PRR16: variants seen among roughly 807,000 people sequenced by gnomAD.
The protein encoded by PRR16 is protein Largen.
In PRR16, 6 loss-of-function variants were observed where a neutral mutation model predicts 18.2. The observed-to-expected ratio is 0.33, with a 90% confidence interval of 0.18 to 0.65. The LOEUF (loss-of-function observed/expected upper bound fraction) is 0.65, where lower values mean the gene tolerates loss of function less well. Among genes scored for constraint, PRR16 ranks in the 30% least tolerant of loss-of-function variants. The pLI, the probability that PRR16 is intolerant of heterozygous loss-of-function variation, is 0.74. For missense variants in PRR16, 412 were observed against 376.6 expected (o/e 1.09, Z -0.78); for synonymous variants, 151 against 147.8 (o/e 1.02, Z -0.16).
intron 1 of PRR16, among the ~76,000 whole-genome samples, chr5:120,477,573 C>T (rs1413572265): frequency 2.0e-5 from 3 of 152,200 alleles, no homozygotes; most frequent in Non-Finnish European, 4.4e-5. Context: ...CAATAGCCTC[C>T]TGACTATTCT....
intron 1 of PRR16, among the ~76,000 whole-genome samples, chr5:120,539,235 T>G (rs1751829316): frequency 6.6e-6 from 1 of 151,544 alleles, no homozygotes. Context: ...GTAAATATTA[T>G]TTTCTAATAA....
intron 1 of PRR16, among the ~76,000 whole-genome samples, chr5:120,679,170 G>C (rs17429749): frequency 0.11 from 16,198 of 152,028 alleles, 1,147 homozygotes; most frequent in Non-Finnish European, 0.14. Flanking sequence ...AACTCTCTTT[G>C]TTTCACTGTG....
intron 1 of PRR16, among the ~76,000 whole-genome samples, chr5:120,517,760 ACT>A (rs928168510): frequency 9.2e-5 from 14 of 152,114 alleles, no homozygotes; most frequent in African/African-American, 3.1e-4. Context: ...GTAATTCTTT[ACT>A]CTGTTTCTAA....
At chr5:120,576,104 T>G (rs1214976339) in intron 1 of PRR16, among the ~76,000 whole-genome samples, 1 of 152,128 alleles carries the variant, frequency 6.6e-6, no homozygotes, top group Non-Finnish European at 1.5e-5. Flanking sequence ...TCCATGACAT[T>G]GGTCTAGGCA....
intron 1 of PRR16, among the ~76,000 whole-genome samples, chr5:120,537,852 A>G (rs1181111273): frequency 5.6e-5 from 8 of 143,338 alleles, no homozygotes; most frequent in Non-Finnish European, 9.0e-5. Flanking sequence ...TCTCGGCTCA[A>G]TGCAAGCTCC....
intron 1 of PRR16, among the ~76,000 whole-genome samples, chr5:120,466,605 C>T (rs1749114068): frequency 6.6e-6 from 1 of 152,148 alleles, no homozygotes; most frequent in Non-Finnish European, 1.5e-5. Context: ...TCTTCAACCT[C>T]CCTGTGGTTA....
chr5:120,612,799 A>T (rs547580911), intron 1 of PRR16, among the ~76,000 whole-genome samples: 48 of 152,304 alleles, frequency 3.2e-4, no homozygotes, highest in African/African-American at 9.9e-4. Context: ...AATAAATGTA[A>T]TTCTTTTTAT....
chr5:120,544,292 T>C (rs1250609848), intron 1 of PRR16, among the ~76,000 whole-genome samples: 1 of 152,180 alleles, frequency 6.6e-6, no homozygotes, highest in African/African-American at 2.4e-5. Context: ...GCTATTTATG[T>C]GAACTCTCAC....
chr5:120,701,750 G>A, the PRR16 span, among the ~76,000 whole-genome samples: 3 of 152,146 alleles, frequency 2.0e-5, no homozygotes, highest in Non-Finnish European at 4.4e-5. Flanking sequence ...AGGAGGGAAA[G>A]AAGGAAGATT....
chr5:120,509,128 C>G (rs1258003598), intron 1 of PRR16, among the ~76,000 whole-genome samples: 1 of 152,014 alleles, frequency 6.6e-6, no homozygotes, highest in African/African-American at 2.4e-5. Context: ...AATTAGCTGG[C>G]AAAATGTAGT....
chr5:120,670,673 T>C (rs1282535280), intron 1 of PRR16, among the ~76,000 whole-genome samples: 1 of 152,112 alleles, frequency 6.6e-6, no homozygotes, highest in African/African-American at 2.4e-5. Context: ...ATCATAATGC[T>C]TGTATACCTT....
At chr5:120,761,506 T>G in the PRR16 span, among the ~76,000 whole-genome samples, 1 of 152,172 alleles carries the variant, frequency 6.6e-6, no homozygotes, top group Admixed American at 6.6e-5. Flanking sequence ...CATAAGTGTT[T>G]AGATCTACTA....
chr5:120,629,319 A>G (rs1415598293), intron 1 of PRR16, among the ~76,000 whole-genome samples: 1 of 152,058 alleles, frequency 6.6e-6, no homozygotes, highest in Non-Finnish European at 1.5e-5. Flanking sequence ...TATAATTTTG[A>G]GTATATACTC....
At chr5:120,639,887 C>T (rs1755364320) in intron 1 of PRR16, among the ~76,000 whole-genome samples, 1 of 151,804 alleles carries the variant, frequency 6.6e-6, no homozygotes, top group Non-Finnish European at 1.5e-5. Flanking sequence ...ATGGAATCAA[C>T]CTAGATGTCC....
chr5:120,732,873 G>C, the PRR16 span, among the ~76,000 whole-genome samples: 1 of 152,140 alleles, frequency 6.6e-6, no homozygotes, highest in Non-Finnish European at 1.5e-5. Context: ...TTTAATTAGG[G>C]AAAATCAGAT....
the PRR16 span, among the ~76,000 whole-genome samples, chr5:120,775,275 T>A: frequency 1.3e-5 from 2 of 152,176 alleles, no homozygotes; most frequent in African/African-American, 4.8e-5. Context: ...TAGGTATTTT[T>A]CCATAACCTC....
chr5:120,582,634 A>G (rs1363736107), intron 1 of PRR16, among the ~76,000 whole-genome samples: 2 of 152,190 alleles, frequency 1.3e-5, no homozygotes, highest in Non-Finnish European at 2.9e-5. Flanking sequence ...AACAATCTGG[A>G]GGCTTTTACC....
chr5:120,572,454 G>T lies in PRR16; in HGVS notation c.159+107809G>T, dbSNP rs564132923. Among the ~76,000 whole-genome samples, 8 of 151,654 alleles carry T rather than the reference G, an allele frequency of 5.3e-5. No individual in the cohort carries two copies. In the South Asian group the frequency reaches 1.7e-3, roughly 31 times the overall value. On this transcript the variant is annotated intron_variant, in intron 1 of 1. Coordinates refer to ENST00000407149, the MANE Select transcript of PRR16 (RefSeq NM_001300783.2). ...GGAGGAACTACTGTTTATTGGGATA[G>T]GGAAAATTGTAGAAATGAAAATCAG...
At chr5:120,669,717 T>G (rs1756529458) in intron 1 of PRR16, among the ~76,000 whole-genome samples, 1 of 152,130 alleles carries the variant, frequency 6.6e-6, no homozygotes, top group Non-Finnish European at 1.5e-5. Flanking sequence ...TTTCACCTTT[T>G]CTTTTAAATT....
Sources: gnomAD v4.1 joint callset for allele counts (sites outside exome capture counted in the v4.1 genomes callset) on GRCh38, gnomAD v4.1.1 for gene constraint, MANE v1.5 for transcripts, NCBI Gene and HGNC (gene_info 2026-07-23, HGNC 2026-07-21) for gene names.